The following KIAA1328 variants were observed in gnomAD, a reference collection of about 807,000 sequenced individuals.
KIAA1328 encodes the protein protein hinderin.
KIAA1328 carries 52 observed loss-of-function variants against 68.1 expected under a neutral mutation model. That is an observed-to-expected ratio of 0.76 (90% CI 0.61 to 0.96). KIAA1328 has a LOEUF of 0.96. Ranked by LOEUF, KIAA1328 falls within the 40% of genes least tolerant of loss-of-function variation. The pLI, the probability that KIAA1328 is intolerant of heterozygous loss-of-function variation, is 0.00. For synonymous variants in KIAA1328, 232 were observed against 239.4 expected, an observed-to-expected ratio of 0.97 and a Z score of 0.28; for missense variants, 641 against 677.6, an observed-to-expected ratio of 0.95 and a Z score of 0.60.
chr18:36,841,578 A>G (rs2046859822), intron 3 of KIAA1328, among the ~76,000 whole-genome samples: 1 of 151,962 alleles, frequency 6.6e-6, no homozygotes, highest in Non-Finnish European at 1.5e-5. Flanking sequence ...GTTTTTCCAT[A>G]TCGGGGTTCG....
chr18:37,211,481 C>G (rs966853915), intron 9 of KIAA1328, among the ~76,000 whole-genome samples: 1 of 152,210 alleles, frequency 6.6e-6, no homozygotes, highest in African/African-American at 2.4e-5. Context: ...TTGTCACTTG[C>G]ATGCTATGGA....
Position 37,224,463 on chromosome 18 carries a change from G to A in KIAA1328, c.*2236G>A. ...TTTTCACATGCAAAACTCATCACCA[G>A]TTGCCTTTTTCTAACTTAATGGACA... On this transcript the variant is annotated 3_prime_UTR_variant, in exon 10 of 10. Transcript: ENST00000280020. The A allele has an allele frequency of 1.0e-6, 1 of 985,424 alleles. No homozygotes were observed. The highest frequency in any genetic ancestry group is 1.2e-6 in the Non-Finnish European group (1 of 829,938). The allele number at this position is 985,424 out of a possible 1,614,324, so 61.0% of individuals were successfully genotyped here.
At chr18:36,933,169 A>G (rs921042471) in intron 5 of KIAA1328, among the ~76,000 whole-genome samples, 1 of 152,120 alleles carries the variant, frequency 6.6e-6, no homozygotes, top group African/African-American at 2.4e-5. Context: ...GTCTCTTGTT[A>G]TAAATATATA....
intron 7 of KIAA1328, among the ~76,000 whole-genome samples, chr18:37,154,634 C>G (rs1207291521): frequency 6.6e-6 from 1 of 152,094 alleles, no homozygotes; most frequent in Non-Finnish European, 1.5e-5. Context: ...TTCTGCGTTC[C>G]TCAATTCACT....
intron 4 of KIAA1328, among the ~76,000 whole-genome samples, chr18:36,845,923 A>G (rs1487335305): frequency 2.0e-5 from 3 of 151,620 alleles, no homozygotes; most frequent in Admixed American, 6.6e-5. Context: ...TAATTTCTTT[A>G]TAGAAGGTCA....
intron 4 of KIAA1328, among the ~76,000 whole-genome samples, chr18:36,870,044 A>G (rs1477333670): frequency 6.6e-6 from 1 of 152,004 alleles, no homozygotes; most frequent in East Asian, 1.9e-4. Context: ...TGTATTTTTT[A>G]GTAGAGACGG....
In KIAA1328 at chr18:37,223,010, C is replaced by T; in HGVS notation, c.*783C>T. The T allele has an allele frequency of 1.0e-6, 1 of 985,406 alleles. No individual in the cohort carries two copies. The highest frequency in any genetic ancestry group is 1.2e-6 in the Non-Finnish European group (1 of 830,042). The allele number at this position is 985,406 out of a possible 1,614,324, so 61.0% of individuals were successfully genotyped here. A position where few individuals can be genotyped will look rare whatever the true frequency, so the allele number is the denominator to read the frequency against. On this transcript the variant is annotated 3_prime_UTR_variant, in exon 10 of 10. Transcript: ENST00000280020. ...ATCCCAGAATGAATAAGAACAATCC[C>T]TAGGTATTTTTATTTACCCAAGTGT...
At chr18:36,829,845 T>G (rs2046402858) in intron 1 of KIAA1328, among the ~76,000 whole-genome samples, 3 of 152,168 alleles carry the variant, frequency 2.0e-5, no homozygotes, top group African/African-American at 4.8e-5. Flanking sequence ...TTGAAGTTCT[T>G]GGATCGTTGT....
intron 4 of KIAA1328, among the ~76,000 whole-genome samples, chr18:36,848,379 G>A (rs1379219407): frequency 6.6e-6 from 1 of 150,880 alleles, no homozygotes; most frequent in Non-Finnish European, 1.5e-5. Context: ...TTGCTCATTT[G>A]AAAAATAGAT....
At chr18:37,141,564 G>A (rs886752626) in intron 7 of KIAA1328, among the ~76,000 whole-genome samples, 2 of 152,180 alleles carry the variant, frequency 1.3e-5, no homozygotes, top group African/African-American at 4.8e-5. Context: ...GTGAACATTT[G>A]TGTACATGTC....
intron 4 of KIAA1328, among the ~76,000 whole-genome samples, chr18:36,874,623 C>G (rs1388492240): frequency 6.6e-6 from 1 of 152,066 alleles, no homozygotes; most frequent in Non-Finnish European, 1.5e-5. Context: ...TTCTCCCATT[C>G]TGTAGGTTGC....
At position 37,219,526 on chromosome 18, in the gene KIAA1328, C is replaced by T. The variant is rs1014423762; in HGVS notation, c.1524-2491C>T. Among the ~76,000 whole-genome samples, 4 of 152,144 alleles carry T rather than the reference C, an allele frequency of 2.6e-5. No homozygotes were observed. The South Asian group carries it at 6.2e-4, about 24-fold the overall frequency. On this transcript the variant is annotated intron_variant, in intron 9 of 9. Coordinates refer to ENST00000280020, the MANE Select transcript of KIAA1328 (RefSeq NM_020776.3). ...CTGCTTTGTTTACCTACTGAAGCCTCAGCAATGGCAGATGCCCCTACCCCT... is the reference window on the plus strand; with the variant it reads ...CTGCTTTGTTTACCTACTGAAGCCTTAGCAATGGCAGATGCCCCTACCCCT...
At chr18:36,979,551 G>A (rs977935245) in intron 6 of KIAA1328, among the ~76,000 whole-genome samples, 8 of 152,058 alleles carry the variant, frequency 5.3e-5, no homozygotes, top group African/African-American at 1.9e-4. Context: ...CAGAATAAAG[G>A]CTGGTATAGA....
At chr18:36,829,713 G>A (rs1186246345) in intron 1 of KIAA1328, among the ~76,000 whole-genome samples, 6 of 152,318 alleles carry the variant, frequency 3.9e-5, no homozygotes, top group Middle Eastern at 6.8e-3. Flanking sequence ...GGGGTTTTAG[G>A]AGAGGTGTGG....
chr18:36,891,206 A>T (rs2048674308), intron 5 of KIAA1328, among the ~76,000 whole-genome samples: 1 of 152,228 alleles, frequency 6.6e-6, no homozygotes, highest in Non-Finnish European at 1.5e-5. Context: ...ATAAACCCTA[A>T]GTTAATCAGA....
chr18:36,833,785 A>G (rs976905766), intron 1 of KIAA1328, among the ~76,000 whole-genome samples: 2 of 152,212 alleles, frequency 1.3e-5, no homozygotes, highest in Admixed American at 6.5e-5. Context: ...TACTTTTTAA[A>G]TAGTAGGGCT....
At chr18:36,872,700 CAT>C (rs2150935345) in intron 4 of KIAA1328, among the ~76,000 whole-genome samples, 1 of 152,210 alleles carries the variant, frequency 6.6e-6, no homozygotes, top group African/African-American at 2.4e-5. Flanking sequence ...AAATATGAGA[CAT>C]ATGAAAAGTT....
intron 6 of KIAA1328, among the ~76,000 whole-genome samples, chr18:37,039,845 G>A (rs191871041): frequency 3.3e-4 from 50 of 152,280 alleles, no homozygotes; most frequent in East Asian, 1.4e-3. Context: ...TACTACAGAC[G>A]TGAAATGTAG....
intron 7 of KIAA1328, among the ~76,000 whole-genome samples, chr18:37,153,624 CTTTTTTTTTTTTT>C (rs772159270): frequency 5.1e-4 from 49 of 95,672 alleles, no homozygotes; most frequent in African/African-American, 2.0e-3. Flanking sequence ...AATCCAATAG[CTTTTTTTTTTTTT>C]TTTTTTTTTT....
Sources: gnomAD v4.1 joint callset for allele counts (sites outside exome capture counted in the v4.1 genomes callset) on GRCh38, gnomAD v4.1.1 for gene constraint, MANE v1.5 for transcripts, NCBI Gene and HGNC (gene_info 2026-07-23, HGNC 2026-07-21) for gene names.